KAZN: variants seen among roughly 807,000 people sequenced by gnomAD.
KAZN encodes kazrin.
A neutral mutation model predicts 87.4 loss-of-function variants in KAZN; 40 were observed. That is an observed-to-expected ratio of 0.46 (90% CI 0.36 to 0.60). KAZN has a LOEUF of 0.60. KAZN is among the 20% of genes least tolerant of loss of function. KAZN has a pLI of 0.00. For synonymous variants in KAZN, 466 were observed against 458.3 expected (o/e 1.02, Z -0.22); for missense variants, 898 against 1,073.9 (o/e 0.84, Z 2.29).
intron 1 of KAZN, among the ~76,000 whole-genome samples, chr1:13,926,416 T>G (rs1299509893): frequency 6.6e-6 from 1 of 152,184 alleles, no homozygotes; most frequent in Non-Finnish European, 1.5e-5. Context: ...ATTCCATGTT[T>G]AGGACAAGAA....
intron 2 of KAZN, among the ~76,000 whole-genome samples, chr1:14,392,684 C>G (rs893882216): frequency 6.6e-6 from 1 of 152,114 alleles, no homozygotes; most frequent in Non-Finnish European, 1.5e-5. Flanking sequence ...CAGTAGCACA[C>G]CTCGGTCATG....
chr1:14,472,588 A>G (rs72860731), intron 2 of KAZN, among the ~76,000 whole-genome samples: 119 of 152,308 alleles, frequency 7.8e-4, no homozygotes, highest in Middle Eastern at 3.4e-3. Flanking sequence ...CATACCTGGA[A>G]GTAGCAGAAA....
intron 2 of KAZN, among the ~76,000 whole-genome samples, chr1:14,473,141 T>A (rs1483633448): frequency 1.3e-5 from 2 of 152,184 alleles, no homozygotes; most frequent in Non-Finnish European, 2.9e-5. Flanking sequence ...ACACCTTGAT[T>A]AGGTTTGAGA....
chr1:14,095,297 C>T (rs1392163977), intron 1 of KAZN, among the ~76,000 whole-genome samples: 1 of 152,176 alleles, frequency 6.6e-6, no homozygotes, highest in East Asian at 1.9e-4. Flanking sequence ...ATCACCTGTT[C>T]TAGTTATTTA....
chr1:14,164,100 T>A (rs1030765246), intron 1 of KAZN, among the ~76,000 whole-genome samples: 1 of 152,240 alleles, frequency 6.6e-6, no homozygotes, highest in African/African-American at 2.4e-5. Flanking sequence ...TATGAAAATC[T>A]GTATTTGTTA....
chr1:13,947,397 C>T lies in KAZN; in HGVS notation c.91+53641C>T, dbSNP rs149893221. On this transcript the variant is annotated intron_variant, in intron 1 of 16. Coordinates refer to the KAZN transcript ENST00000636203. ...CTCATGAGAACAGCATGGGGGAAACCGCCCCCGTGATCCAATCACCTCCCA... is the reference window on the plus strand; with the variant it reads ...CTCATGAGAACAGCATGGGGGAAACTGCCCCCGTGATCCAATCACCTCCCA... 4.2e-3 allele frequency among the ~76,000 whole-genome samples: 632 copies of T among 152,224 alleles called. 2 individuals carry two copies. The highest frequency in any genetic ancestry group is 0.015 in the African/African-American group (604 of 41,528).
At chr1:14,912,144 C>CAAAA (rs34227761) in intron 1 of KAZN, among the ~76,000 whole-genome samples, 25 of 81,680 alleles carry the variant, frequency 3.1e-4, no homozygotes, top group African/African-American at 4.3e-4. Flanking sequence ...GACTCCACCT[C>CAAAA]AAAAAAAAAA....
At chr1:14,813,426 G>T (rs1320952731) in intron 1 of KAZN, among the ~76,000 whole-genome samples, 1 of 152,146 alleles carries the variant, frequency 6.6e-6, no homozygotes, top group Non-Finnish European at 1.5e-5. Flanking sequence ...GAGGAACCAA[G>T]GTTTGAGGCT....
chr1:14,143,393 T>C (rs1645281696), intron 1 of KAZN, among the ~76,000 whole-genome samples: 1 of 152,198 alleles, frequency 6.6e-6, no homozygotes, highest in African/African-American at 2.4e-5. Flanking sequence ...TTCGTGTATG[T>C]ACCGCCCTAT....
chr1:14,192,131 G>C (rs957692110), intron 2 of KAZN, among the ~76,000 whole-genome samples: 2 of 152,126 alleles, frequency 1.3e-5, no homozygotes, highest in African/African-American at 4.8e-5. Flanking sequence ...CATAGACATA[G>C]AGGAAACTCC....
chr1:15,019,924 C>A (rs1670498567), intron 2 of KAZN, among the ~76,000 whole-genome samples: 2 of 152,156 alleles, frequency 1.3e-5, no homozygotes, highest in Admixed American at 1.3e-4. Context: ...CTGCCTGGCA[C>A]CTCCATGAAT....
intron 1 of KAZN, among the ~76,000 whole-genome samples, chr1:14,952,306 T>C (rs1307392556): frequency 6.6e-6 from 1 of 151,134 alleles, no homozygotes; most frequent in African/African-American, 2.4e-5. Context: ...TGTTTCCTGG[T>C]CACACAGACC....
At position 15,066,373 on chromosome 1, in the gene KAZN, T is replaced by C; in HGVS notation, c.1222+620T>C. ...GGTGTGAACGTGTGGGACCAGACCC[T>C]GTCCTGGGGGTGCGCCCAAGTCACT... On this transcript the variant is annotated intron_variant, in intron 8 of 14. Transcript: ENST00000376030. The surrounding 1 kb of genome is among the most constrained non-coding windows in gnomAD (Gnocchi z 4.3). 1 of 915,772 alleles carries C rather than the reference T, an allele frequency of 1.1e-6. No homozygotes were observed. The highest frequency in any genetic ancestry group is 1.3e-6 in the Non-Finnish European group (1 of 769,010). 56.7% of individuals were successfully genotyped at this position (915,772 alleles called of 1,614,324 possible).
chr1:14,577,643 G>C (rs1675273291), intron 2 of KAZN, among the ~76,000 whole-genome samples: 1 of 152,180 alleles, frequency 6.6e-6, no homozygotes, highest in African/African-American at 2.4e-5. Flanking sequence ...CTGGTTCTTT[G>C]AACAAAGCTG....
intron 2 of KAZN, among the ~76,000 whole-genome samples, chr1:14,203,524 A>G (rs1348417757): frequency 6.6e-6 from 1 of 152,234 alleles, no homozygotes; most frequent in Non-Finnish European, 1.5e-5. Context: ...TTGAAAGTTT[A>G]AGAAATGATG....
At chr1:14,318,906 G>T (rs111347231) in intron 2 of KAZN, among the ~76,000 whole-genome samples, 3,639 of 151,790 alleles carry the variant, frequency 0.024, 155 homozygotes, top group African/African-American at 0.083. Flanking sequence ...ATTATGTTCA[G>T]ATTTTTCCTT....
chr1:14,584,912 G>A (rs1214456695), intron 2 of KAZN, among the ~76,000 whole-genome samples: 1 of 152,176 alleles, frequency 6.6e-6, no homozygotes, highest in African/African-American at 2.4e-5. Flanking sequence ...CAAAGTGCTG[G>A]GATTACAGGC....
At chr1:13,952,488 G>T (rs575556953) in intron 1 of KAZN, among the ~76,000 whole-genome samples, 1 of 152,188 alleles carries the variant, frequency 6.6e-6, no homozygotes, top group Non-Finnish European at 1.5e-5. Flanking sequence ...ATTCTTCTAG[G>T]CACTATCTTA....
At position 15,081,601 on chromosome 1, in the gene KAZN, G is replaced by T. The variant is rs866693825; in HGVS notation, c.1223-12579G>T. Among the ~76,000 whole-genome samples the T allele has an allele frequency of 5.6e-4, 85 of 152,194 alleles. No homozygotes were observed. Among genetic ancestry groups the T allele is most frequent in the African/African-American group, 2.0e-3 (83 of 41,522 alleles). The stretch of plus-strand genomic sequence containing the variant: ...GTGTGAGTGTGTGTGTTGGGGAGTT[G>T]TAGGGTACCCACACTAGGTGACCAG... On this transcript the variant is annotated intron_variant, in intron 8 of 14. Transcript: ENST00000376030. The surrounding 1 kb of genome is among the most constrained non-coding windows in gnomAD (Gnocchi z 4.1).
Sources: allele counts gnomAD v4.1 joint callset (sites outside exome capture counted in the v4.1 genomes callset), GRCh38; gene constraint gnomAD v4.1.1; non-coding constraint Gnocchi (gnomAD v3.1); transcripts MANE v1.5; gene names NCBI Gene and HGNC (gene_info 2026-07-23, HGNC 2026-07-21).